RPIA: variants seen among roughly 807,000 people sequenced by gnomAD.
The protein encoded by RPIA is ribose-5-phosphate isomerase.
A neutral mutation model predicts 37.8 loss-of-function variants in RPIA; 29 were observed. That is an observed-to-expected ratio of 0.77 (90% CI 0.57 to 1.05). The LOEUF (loss-of-function observed/expected upper bound fraction) is 1.05. RPIA is among the 50% of genes least tolerant of loss of function. The pLI is 0.00. For synonymous variants in RPIA, 167 were observed against 157.0 expected, an observed-to-expected ratio of 1.06 and a Z score of -0.48; for missense variants, 385 against 413.6, an observed-to-expected ratio of 0.93 and a Z score of 0.60.
At position 88,700,080 on chromosome 2, in the gene RPIA, C is replaced by T; in HGVS notation, c.402+16C>T. 6.2e-7 allele frequency: 1 copy of T among 1,613,492 alleles called. No homozygotes were observed. Among genetic ancestry groups the T allele is most frequent in the South Asian group, 1.1e-5 (1 of 91,080 alleles). Reference sequence around the variant, plus strand: ...TTCCTTCCAGGTATGTCCTGCTTTCCATCTGCATCGTGACAGCTTCTGCTG... The same window carrying T: ...TTCCTTCCAGGTATGTCCTGCTTTCTATCTGCATCGTGACAGCTTCTGCTG... On this transcript the variant is annotated intron_variant, in intron 3 of 8. Coordinates refer to ENST00000283646, the MANE Select transcript of RPIA (RefSeq NM_144563.3).
intron 8 of RPIA, among the ~76,000 whole-genome samples, chr2:88,739,033 G>A (rs891400182): frequency 4.6e-5 from 7 of 152,208 alleles, no homozygotes; most frequent in African/African-American, 1.2e-4. Flanking sequence ...ATGGCCCTGC[G>A]TGAAGGATGG....
intron 8 of RPIA, among the ~76,000 whole-genome samples, chr2:88,739,232 C>T (rs1451830286): frequency 1.3e-5 from 2 of 152,182 alleles, no homozygotes; most frequent in Admixed American, 1.3e-4. Flanking sequence ...ATGGAGTATT[C>T]TTGGGCCAGA....
chr2:88,740,880 C>T (rs1673373776), intron 8 of RPIA, among the ~76,000 whole-genome samples: 1 of 152,116 alleles, frequency 6.6e-6, no homozygotes, highest in Non-Finnish European at 1.5e-5. Context: ...ATTTTGAAAA[C>T]GGGTCTTGAG....
intron 7 of RPIA, among the ~76,000 whole-genome samples, 159 bp downstream of exon 7, chr2:88,736,835 TGTTA>T (rs1039119798): frequency 4.7e-4 from 72 of 152,376 alleles, no homozygotes; most frequent in African/African-American, 1.7e-3. Context: ...AGAATTGGCC[TGTTA>T]GTTTCTGCAT....
intron 8 of RPIA, among the ~76,000 whole-genome samples, chr2:88,742,922 T>C (rs144462763): frequency 6.6e-6 from 1 of 152,330 alleles, no homozygotes; most frequent in African/African-American, 2.4e-5. Context: ...GGAATTCATT[T>C]ATCAGATCTA....
At chr2:88,700,349 A>G (rs1311900583) in intron 3 of RPIA, among the ~76,000 whole-genome samples, 2 of 152,186 alleles carry the variant, frequency 1.3e-5, no homozygotes, top group Non-Finnish European at 2.9e-5. Flanking sequence ...TCCTATTTAT[A>G]GGTGAAAAAA....
At chr2:88,722,563 T>A (rs1268561019) in intron 3 of RPIA, among the ~76,000 whole-genome samples, 1 of 152,206 alleles carries the variant, frequency 6.6e-6, no homozygotes, top group Non-Finnish European at 1.5e-5. Context: ...GGTGTCCTTG[T>A]TCATTCCTGG....
At chr2:88,727,235 T>C (rs1673210670) in intron 3 of RPIA, among the ~76,000 whole-genome samples, 1 of 152,202 alleles carries the variant, frequency 6.6e-6, no homozygotes, top group Non-Finnish European at 1.5e-5. Flanking sequence ...CTCCGCTTTG[T>C]GCCATTGGTC....
chr2:88,716,923 A>G (rs909952256), intron 3 of RPIA, among the ~76,000 whole-genome samples: 4 of 152,192 alleles, frequency 2.6e-5, no homozygotes, highest in African/African-American at 9.7e-5. Context: ...CTCCATTTTT[A>G]TGCTTAGGTT....
chr2:88,698,582 G>A (rs1322676100), intron 2 of RPIA, 38 bp downstream of exon 2: 3 of 1,582,682 alleles, frequency 1.9e-6, no homozygotes, highest in Non-Finnish European at 2.6e-6. Context: ...TTTTGTGTGT[G>A]ATGATGGGGT....
intron 4 of RPIA, 123 bp downstream of exon 4, chr2:88,729,460 GT>G: frequency 1.0e-6 from 1 of 979,242 alleles, no homozygotes; most frequent in Admixed American, 2.0e-5. Context: ...GTTGTACCAA[GT>G]TTTCTCCTGG....
chr2:88,726,014 T>A (rs549495132), intron 3 of RPIA, among the ~76,000 whole-genome samples: 39 of 152,282 alleles, frequency 2.6e-4, no homozygotes, highest in African/African-American at 9.1e-4. Flanking sequence ...CACAGAACTG[T>A]TTTAAAGGGA....
Position 88,705,874 on chromosome 2 carries a change from A to T in RPIA, c.402+5810A>T, listed in dbSNP as rs186846344. Among the ~76,000 whole-genome samples the T allele has an allele frequency of 1.1e-4, 17 of 152,340 alleles. No individual in the cohort carries two copies. The East Asian group carries it at 3.3e-3, about 29-fold the overall frequency. The stretch of plus-strand genomic sequence containing the variant: ...ACAAATTTATAAGAAAAAAACAAAC[A>T]GTCCTGTTAAAAAATGGGCAAAGGA... On this transcript the variant is annotated intron_variant, in intron 3 of 8. Transcript: ENST00000283646.
At position 88,691,860 on chromosome 2, in the gene RPIA, T is replaced by C; in HGVS notation, c.162T>C (p.Gly54=). Residue 54 remains glycine, a synonymous_variant, in exon 1 of 9, where the codon GGT becomes GGC. Transcript: ENST00000283646. ...GTGCACAGTCTGGGACCCGTGGCGG[T>C]GCTGGCAACACAAGCACCAGCTGCG... ...PGRAQSGTRG[G]AGNTSTSCGD... The C allele has an allele frequency of 1.3e-6, 2 of 1,594,622 alleles. No individual in the cohort carries two copies. The highest frequency in any genetic ancestry group is 1.8e-5 in the Admixed American group (1 of 56,602).
chr2:88,747,014 C>G (rs1573481452), intron 8 of RPIA, among the ~76,000 whole-genome samples: 1 of 152,176 alleles, frequency 6.6e-6, no homozygotes, highest in African/African-American at 2.4e-5. Context: ...ATAGAGCTCC[C>G]AAGAGTTTAT....
intron 1 of RPIA, among the ~76,000 whole-genome samples, chr2:88,696,658 G>T (rs535475858): frequency 3.1e-4 from 47 of 152,136 alleles, no homozygotes; most frequent in South Asian, 2.7e-3. Context: ...AACTGGAAAG[G>T]TTATTAGAAC....
At chr2:88,707,176 A>G (rs1672907929) in intron 3 of RPIA, among the ~76,000 whole-genome samples, 1 of 152,220 alleles carries the variant, frequency 6.6e-6, no homozygotes, top group Admixed American at 6.5e-5. Context: ...TTAGTTGAGT[A>G]GTTGATTTAC....
At position 88,729,323 on chromosome 2, in the gene RPIA, G is replaced by C; in HGVS notation, c.448G>C (p.Asp150His). The C allele has an allele frequency of 6.2e-7, 1 of 1,614,164 alleles. No individual in the cohort carries two copies. The highest frequency in any genetic ancestry group is 8.5e-7 in the Non-Finnish European group (1 of 1,180,032). Reference sequence around the variant, plus strand: ...GTATGGCTTGACCCTCAGTGATCTGGATCGACACCCAGAGGTAAGATTGCC... The same window carrying C: ...GTATGGCTTGACCCTCAGTGATCTGCATCGACACCCAGAGGTAAGATTGCC... ...LQYGLTLSDLDRHPEIDLAID... is the reference protein window; with the variant it reads ...LQYGLTLSDLHRHPEIDLAID... The change falls in exon 4 of 9, where the codon GAT becomes CAT. Residue 150 changes from aspartate to histidine, a missense_variant. By Grantham distance (81) the Asp-to-His change is moderately conservative. Around this residue, in one of 2 missense-constraint regions of RPIA, gnomAD observed 232 missense variants for 203.0 expected, o/e 1.14. Transcript: ENST00000283646.
chr2:88,692,350 A>C (rs1454633874), intron 1 of RPIA, among the ~76,000 whole-genome samples: 1 of 151,860 alleles, frequency 6.6e-6, no homozygotes, highest in Non-Finnish European at 1.5e-5. Context: ...GGCTGCGGAG[A>C]GGTTTTCATT....
Sources: gnomAD v4.1 joint callset for allele counts (sites outside exome capture counted in the v4.1 genomes callset) on GRCh38, gnomAD v4.1.1 for gene constraint, gnomAD v4.1.1 regional missense constraint, MANE v1.5 for transcripts, NCBI Gene and HGNC (gene_info 2026-07-23, HGNC 2026-07-21) for gene names.